The following AMOT variants were observed in gnomAD, a reference collection of about 807,000 sequenced individuals.
AMOT encodes angiomotin.
A neutral mutation model predicts 67.0 loss-of-function variants in AMOT; 11 were observed. That is an observed-to-expected ratio of 0.16 (90% CI 0.10 to 0.27). The LOEUF is 0.27. AMOT is among the 10% of genes least tolerant of loss of function. The probability of loss-of-function intolerance (pLI) is 1.00; values close to 1 mark genes in which losing one functional copy is unlikely to be tolerated. For missense variants in AMOT, 753 were observed against 852.0 expected (o/e 0.88, Z 1.45); for synonymous variants, 326 against 321.4 (o/e 1.01, Z -0.15).
In AMOT at chrX:112,779,589, G is replaced by C. The variant is rs1933064854; in HGVS notation, c.2565C>G (p.Ser855=). The C allele has an allele frequency of 4.1e-6, 5 of 1,208,722 alleles. No homozygotes were observed. Among genetic ancestry groups the C allele is most frequent in the Non-Finnish European group, 5.6e-6 (5 of 894,991 alleles). Residue 855 remains serine (S), a synonymous_variant, in exon 13 of 14, where the codon TCC becomes TCG. Transcript: ENST00000371959. ...PPSTPLLSAH[S]KTGSRDCSTQ... ...TACTGCAGTCTCGGCTGCCTGTCTT[G>C]GAGTGAGCCGAGAGCAGGGGAGTCG... is the stretch of plus-strand genomic sequence containing the variant.
chrX:112,783,319 T>C (rs768786764), intron 10 of AMOT, among the ~76,000 whole-genome samples: 1 of 107,907 alleles, frequency 9.3e-6, no homozygotes, highest in African/African-American at 3.4e-5. Flanking sequence ...AAGGAATATG[T>C]ATATATTTCC....
At chrX:112,783,294 CAAAA>C (rs377256668) in intron 10 of AMOT, among the ~76,000 whole-genome samples, 2 of 49,834 alleles carry the variant, frequency 4.0e-5, no homozygotes, top group Admixed American at 2.5e-4. Flanking sequence ...GACTCTGTCT[CAAAA>C]AAAAAAAAAA....
At chrX:112,833,155 C>T (rs949797627) in intron 1 of AMOT, among the ~76,000 whole-genome samples, 16 of 111,672 alleles carry the variant, frequency 1.4e-4, no homozygotes, top group East Asian at 2.8e-4. Context: ...ACAGAATGAC[C>T]GTCACCTAAA....
intron 5 of AMOT, among the ~76,000 whole-genome samples, chrX:112,813,923 A>G (rs774670526): frequency 2.7e-5 from 3 of 112,241 alleles, no homozygotes; most frequent in Admixed American, 1.9e-4. Context: ...GCACTCCAAC[A>G]ACCCTCATCC....
intron 4 of AMOT, among the ~76,000 whole-genome samples, chrX:112,816,581 G>A (rs1402194597): frequency 8.9e-6 from 1 of 111,748 alleles, no homozygotes; most frequent in Non-Finnish European, 1.9e-5. Flanking sequence ...GTAATGAATC[G>A]CAAAATGTAA....
At chrX:112,790,491 G>C in intron 10 of AMOT, 101 bp downstream of exon 10, 1 of 946,196 alleles carries the variant, frequency 1.1e-6, no homozygotes, top group Non-Finnish European at 1.4e-6. Context: ...AGAAATTGGG[G>C]GGGAAACCCA....
intron 12 of AMOT, chrX:112,780,636 C>T (rs1240355941): frequency 2.6e-6 from 1 of 387,924 alleles, no homozygotes; most frequent in East Asian, 3.8e-5. Context: ...TTCCTTGACA[C>T]CCAAATGAAA....
intron 4 of AMOT, among the ~76,000 whole-genome samples, chrX:112,818,795 G>A (rs1934635044): frequency 9.0e-6 from 1 of 111,444 alleles, no homozygotes; most frequent in Non-Finnish European, 1.9e-5. Context: ...CATGTGAGCA[G>A]CACACTCTCC....
rs1934893420 is a variant in AMOT at position 112,828,272 on chromosome X, C to T, written c.-211-3052G>A. ...CACAGAGTCTGGGCCTAGAGTCACA[C>T]TGCCCAAGTTTAAATCCTGGATGTA... On this transcript the variant is annotated intron_variant, in intron 2 of 13. Transcript: ENST00000371959. 2.8e-5 allele frequency among the ~76,000 whole-genome samples: 3 copies of T among 108,095 alleles called. No individual in the cohort carries two copies. In the South Asian group the frequency reaches 1.3e-3, roughly 45 times the overall value. 93.9% of individuals were successfully genotyped at this position (108,095 alleles called of 115,157 possible). A position where few individuals can be genotyped will look rare whatever the true frequency, so the allele number is the denominator to read the frequency against.
At chrX:112,815,014 C>T (rs1934497210) in intron 5 of AMOT, among the ~76,000 whole-genome samples, 1 of 112,150 alleles carries the variant, frequency 8.9e-6, no homozygotes, top group South Asian at 3.7e-4. Flanking sequence ...AAGGTGCCGT[C>T]AGATCCTTTA....
In AMOT at chrX:112,822,430, T is replaced by C. The variant is rs1234283399; in HGVS notation, c.697A>G (p.Met233Val). Residue 233 changes from methionine to valine, a missense_variant, in exon 4 of 14, where the codon ATG becomes GTG. By Grantham distance (21) the Met-to-Val change is conservative (BLOSUM62 1). Around this residue, in one of 5 missense-constraint regions of AMOT, gnomAD observed 297 missense variants for 284.3 expected, o/e 1.04. Transcript: ENST00000371959. ...TCTGGTGGGGGGCCTCGGTGTTCCA[T>C]GCCCTTCAGGCTATGCTGGTTAGGA... ...PLPNQHSLKG[M>V]EHRGPPPEYP... is the part of the protein sequence containing the mutation. The C allele has an allele frequency of 8.6e-7, 1 of 1,166,251 alleles. No homozygotes were observed. The highest frequency in any genetic ancestry group is 1.1e-6 in the Non-Finnish European group (1 of 872,821).
At chrX:112,827,620 T>C (rs1934875890) in intron 2 of AMOT, among the ~76,000 whole-genome samples, 1 of 111,793 alleles carries the variant, frequency 8.9e-6, no homozygotes, top group South Asian at 3.8e-4. Flanking sequence ...TGAATCTATA[T>C]AATCAACTCT....
chrX:112,830,521 T>TA (rs1279690056), intron 2 of AMOT, among the ~76,000 whole-genome samples: 2 of 112,590 alleles, frequency 1.8e-5, no homozygotes, highest in East Asian at 5.5e-4. Flanking sequence ...TAAATGTTTT[T>TA]AGACAACCCA....
chrX:112,803,784 T>C (rs1410975626), intron 8 of AMOT, among the ~76,000 whole-genome samples: 1 of 112,757 alleles, frequency 8.9e-6, no homozygotes, highest in Non-Finnish European at 1.9e-5. Flanking sequence ...AGATACCTCA[T>C]ATACAATAGC....
chrX:112,795,162 T>C (rs765730572), intron 8 of AMOT, among the ~76,000 whole-genome samples: 1 of 111,360 alleles, frequency 9.0e-6, no homozygotes, highest in East Asian at 2.8e-4. Context: ...TAAAAAGTAC[T>C]ATTTAACTAA....
At chrX:112,794,568 C>A (rs910115225) in intron 8 of AMOT, among the ~76,000 whole-genome samples, 1 of 111,842 alleles carries the variant, frequency 8.9e-6, no homozygotes, top group African/African-American at 3.3e-5. Flanking sequence ...CCTAGAGATG[C>A]AATCAACAAA....
rs1003579796 is a variant in AMOT at position 112,774,951 on chromosome X, T to G, written c.*3616A>C. 1 of 112,376 alleles carries G rather than the reference T, an allele frequency of 8.9e-6. No homozygotes were observed. The highest frequency in any genetic ancestry group is 3.2e-5 in the African/African-American group (1 of 30,936). 9.3% of individuals were successfully genotyped at this position (112,376 alleles called of 1,213,427 possible). ...GTGGATTTAAACCTGCTTAACTTTA[T>G]TGGAACTAGCTCAGTTGATTACAGA... On this transcript the variant is annotated 3_prime_UTR_variant, in exon 14 of 14. Transcript: ENST00000371959.
intron 8 of AMOT, among the ~76,000 whole-genome samples, chrX:112,793,707 A>G (rs865960549): frequency 5.3e-5 from 6 of 112,207 alleles, no homozygotes; most frequent in African/African-American, 1.9e-4. Context: ...AGTCTAGTTC[A>G]ATCTAGCCTT....
At chrX:112,789,741 T>C (rs1347904211) in intron 10 of AMOT, among the ~76,000 whole-genome samples, 1 of 110,651 alleles carries the variant, frequency 9.0e-6, no homozygotes, top group Non-Finnish European at 1.9e-5. Context: ...TAGAGACCTA[T>C]CTGGGTGCAA....
Sources: allele counts gnomAD v4.1 joint callset (sites outside exome capture counted in the v4.1 genomes callset), GRCh38; gene constraint gnomAD v4.1.1; regional missense constraint gnomAD v4.1.1; transcripts MANE v1.5; gene names NCBI Gene and HGNC (gene_info 2026-07-23, HGNC 2026-07-21).